The following CEP128 variants were observed in gnomAD, a reference collection of about 807,000 sequenced individuals.
CEP128 encodes the protein centrosomal protein 128, also known as centrosomal protein 128kDa.
CEP128 carries 132 observed loss-of-function variants against 156.7 expected under a neutral mutation model. The observed-to-expected ratio is 0.84, with a 90% CI of 0.73 to 0.97. CEP128 has a LOEUF of 0.97. Ranked by LOEUF, CEP128 falls within the 50% of genes least tolerant of loss-of-function variation. The probability of loss-of-function intolerance (pLI) is 0.00; values close to 1 mark genes in which losing one functional copy is unlikely to be tolerated. For synonymous variants in CEP128, 469 were observed against 448.9 expected (o/e 1.04, Z -0.57); for missense variants, 1,252 against 1,281.9 (o/e 0.98, Z 0.36).
chr14:80,956,138 C>A (rs1441785427), intron 2 of CEP128, among the ~76,000 whole-genome samples: 1 of 152,238 alleles, frequency 6.6e-6, no homozygotes, highest in Non-Finnish European at 1.5e-5. Flanking sequence ...TGCTATTCAG[C>A]ACTTTGCCTA....
chr14:80,521,624 T>C (rs982733903), intron 23 of CEP128, among the ~76,000 whole-genome samples: 1 of 152,260 alleles, frequency 6.6e-6, no homozygotes, highest in Non-Finnish European at 1.5e-5. Flanking sequence ...TATTTCAGCA[T>C]GATTTGATTG....
chr14:80,877,139 T>C (rs1422868490), intron 8 of CEP128, among the ~76,000 whole-genome samples: 1 of 152,068 alleles, frequency 6.6e-6, no homozygotes, highest in Non-Finnish European at 1.5e-5. Flanking sequence ...TAAAGACATA[T>C]GTTGTAATCC....
At chr14:80,733,339 CGT>C (rs55964142) in intron 19 of CEP128, among the ~76,000 whole-genome samples, 13,559 of 140,018 alleles carry the variant, frequency 0.097, 660 homozygotes, top group African/African-American at 0.15. Flanking sequence ...CCACATGGGT[CGT>C]GTGTGTGTGT....
intron 19 of CEP128, among the ~76,000 whole-genome samples, chr14:80,648,979 A>G (rs1894778146): frequency 6.6e-6 from 1 of 152,168 alleles, no homozygotes; most frequent in Non-Finnish European, 1.5e-5. Flanking sequence ...AAGAATTAAA[A>G]GAATTTGAGA....
intron 1 of CEP128, among the ~76,000 whole-genome samples, chr14:80,940,269 G>A (rs1886071655): frequency 6.6e-6 from 1 of 152,172 alleles, no homozygotes; most frequent in African/African-American, 2.4e-5. Context: ...TACGCTGAGA[G>A]AACATAGGCA....
chr14:80,551,581 C>T (rs1890209962), intron 21 of CEP128, among the ~76,000 whole-genome samples: 1 of 152,184 alleles, frequency 6.6e-6, no homozygotes, highest in Non-Finnish European at 1.5e-5. Context: ...AATCATAATT[C>T]TAAAACAGAT....
chr14:80,910,897 A>T (rs950377465), intron 4 of CEP128, among the ~76,000 whole-genome samples: 1 of 152,244 alleles, frequency 6.6e-6, no homozygotes, highest in African/African-American at 2.4e-5. Context: ...CACCACAAGA[A>T]GATGTAGGAA....
At chr14:80,914,433 T>A (rs1884429623) in intron 3 of CEP128, 25 bp from the exon 4 acceptor site, 2 of 1,546,382 alleles carry the variant, frequency 1.3e-6, no homozygotes, top group Non-Finnish European at 1.8e-6. Context: ...TGGACTGAAT[T>A]AATTATTCCA....
In CEP128 at chr14:80,542,432, CAG is replaced by C. The variant is rs577048411; in HGVS notation, c.2881-11548_2881-11547del. Among the ~76,000 whole-genome samples the C allele has an allele frequency of 1.6e-3, 241 of 152,012 alleles. 1 individual carries two copies. The highest frequency in any genetic ancestry group is 5.6e-3 in the African/African-American group (231 of 41,452). ...TTAAAAATCGACTATCTTTGAGGGA[CAG>C]AGAATATTTCTCAACAGACTCAAAA... On this transcript the variant is annotated intron_variant, in intron 21 of 24. Coordinates refer to ENST00000555265, the MANE Select transcript of CEP128 (RefSeq NM_152446.5).
intron 19 of CEP128, among the ~76,000 whole-genome samples, chr14:80,649,258 C>G (rs1005218581): frequency 2.6e-5 from 4 of 152,002 alleles, no homozygotes; most frequent in Admixed American, 2.6e-4. Context: ...CTCTTCCCCA[C>G]CCCTCCTTAA....
intron 12 of CEP128, among the ~76,000 whole-genome samples, chr14:80,832,541 G>A (rs2140050115): frequency 6.6e-6 from 1 of 152,290 alleles, no homozygotes; most frequent in South Asian, 2.1e-4. Context: ...GATGATAAGA[G>A]CGCTGATACA....
chr14:80,712,004 A>C (rs1051384605), intron 19 of CEP128, among the ~76,000 whole-genome samples: 1 of 152,100 alleles, frequency 6.6e-6, no homozygotes, highest in African/African-American at 2.4e-5. Context: ...TGTTCCTTGT[A>C]ATCTAATTTC....
At chr14:80,807,419 C>T (rs962250385) in intron 13 of CEP128, among the ~76,000 whole-genome samples, 2 of 152,158 alleles carry the variant, frequency 1.3e-5, no homozygotes, top group Non-Finnish European at 2.9e-5. Flanking sequence ...ACCAAAATTA[C>T]AAATAGAGTC....
chr14:80,526,298 T>C (rs887455157), intron 23 of CEP128, among the ~76,000 whole-genome samples: 1 of 152,186 alleles, frequency 6.6e-6, no homozygotes, highest in Non-Finnish European at 1.5e-5. Context: ...CAAGGTCAAA[T>C]GGATTTAAAA....
At chr14:80,617,517 G>A (rs1471139895) in intron 19 of CEP128, among the ~76,000 whole-genome samples, 1 of 152,098 alleles carries the variant, frequency 6.6e-6, no homozygotes, top group Non-Finnish European at 1.5e-5. Flanking sequence ...TTACAGGCAT[G>A]AGCCACCGCG....
chr14:80,926,169 A>G (rs4903949), intron 2 of CEP128, among the ~76,000 whole-genome samples: 84,837 of 152,058 alleles, frequency 0.56, 25,591 homozygotes, highest in African/African-American at 0.79. Flanking sequence ...TGCTATAGCC[A>G]CAGGCACAGG....
At chr14:80,611,336 G>A (rs1892986200) in intron 19 of CEP128, among the ~76,000 whole-genome samples, 1 of 144,772 alleles carries the variant, frequency 6.9e-6, no homozygotes, top group Non-Finnish European at 1.5e-5. Context: ...AAAAAAAGGA[G>A]ATTAAAAAAA....
At chr14:80,867,197 A>G (rs1030351458) in intron 8 of CEP128, among the ~76,000 whole-genome samples, 1 of 152,190 alleles carries the variant, frequency 6.6e-6, no homozygotes, top group Non-Finnish European at 1.5e-5. Context: ...GGTTACTGAG[A>G]CAGTGAACCT....
intron 19 of CEP128, among the ~76,000 whole-genome samples, chr14:80,703,994 C>A (rs1219643504): frequency 6.6e-6 from 1 of 152,032 alleles, no homozygotes; most frequent in Non-Finnish European, 1.5e-5. Flanking sequence ...GCAATAGCAT[C>A]TTAATTTAGA....
Sources: allele counts gnomAD v4.1 joint callset (sites outside exome capture counted in the v4.1 genomes callset), GRCh38; gene constraint gnomAD v4.1.1; transcripts MANE v1.5; gene names NCBI Gene and HGNC (gene_info 2026-07-23, HGNC 2026-07-21).